Variants in CADM2 observed in about 807,000 individuals in gnomAD.
The protein encoded by CADM2 is immunoglobulin superfamily member 4D.
In CADM2, 12 loss-of-function variants were observed where a neutral mutation model predicts 49.8. The observed-to-expected ratio is 0.24, with a 90% CI of 0.15 to 0.39. The LOEUF is 0.39. CADM2 is among the 10% of genes least tolerant of loss of function. CADM2 has a pLI of 1.00. For synonymous variants in CADM2, 214 were observed against 175.4 expected (o/e 1.22, Z -1.74); for missense variants, 378 against 492.3 (o/e 0.77, Z 2.20).
At chr3:85,622,519 C>G (rs1045353441) in intron 1 of CADM2, among the ~76,000 whole-genome samples, 8 of 152,048 alleles carry the variant, frequency 5.3e-5, no homozygotes, top group Admixed American at 2.6e-4. Flanking sequence ...CTCTTGCCTC[C>G]TTTTCATTCA....
rs186819171 is a variant in CADM2, at chr3:85,061,396, C to A, written c.61+101728C>A. 1.5e-3 allele frequency among the ~76,000 whole-genome samples: 227 copies of A among 152,146 alleles called. 2 individuals carry two copies. In the Middle Eastern group the frequency reaches 0.02, roughly 14 times the overall value. The stretch of plus-strand genomic sequence containing the variant: ...GCTTCATATTAATGATACTAACTGG[C>A]AGTACTAGATATCCTTTCAATGTTT... On this transcript the variant is annotated intron_variant, in intron 1 of 9. Coordinates refer to ENST00000383699, the MANE Select transcript of CADM2 (RefSeq NM_001167675.2).
chr3:85,249,119 G>T (rs1174510565), intron 1 of CADM2, among the ~76,000 whole-genome samples: 1 of 151,978 alleles, frequency 6.6e-6, no homozygotes. Flanking sequence ...ACAAAATAAG[G>T]TGTTGTTACC....
At position 85,569,927 on chromosome 3, in the gene CADM2, A is replaced by G. The variant is rs375586145; in HGVS notation, c.62-156595A>G. 4.6e-5 allele frequency among the ~76,000 whole-genome samples: 7 copies of G among 152,254 alleles called. No homozygotes were observed. In the South Asian group the frequency reaches 1.0e-3, roughly 23 times the overall value. On this transcript the variant is annotated intron_variant, in intron 1 of 9. Transcript: ENST00000383699. ...CGATTGGCAAAGCAGAACTGGCTGA[A>G]TTATGTAAATTCCATGGACATTTCC...
chr3:85,768,602 T>TA (rs1484218515), intron 2 of CADM2, among the ~76,000 whole-genome samples: 1 of 148,818 alleles, frequency 6.7e-6, no homozygotes, highest in Admixed American at 6.8e-5. Context: ...ACATTCATAG[T>TA]AAAAAATCAT....
intron 1 of CADM2, among the ~76,000 whole-genome samples, chr3:85,453,477 ATT>A (rs1201307329): frequency 1.3e-5 from 2 of 152,090 alleles, no homozygotes; most frequent in Non-Finnish European, 2.9e-5. Context: ...ATAAACATGT[ATT>A]TTCCTATAGT....
chr3:85,164,266 G>A (rs2040410466), intron 1 of CADM2, among the ~76,000 whole-genome samples: 1 of 151,982 alleles, frequency 6.6e-6, no homozygotes, highest in African/African-American at 2.4e-5. Context: ...ACAGATACTG[G>A]CAAGTATAAT....
intron 1 of CADM2, among the ~76,000 whole-genome samples, chr3:85,372,363 GTA>G (rs540478908): frequency 2.0e-5 from 3 of 150,204 alleles, no homozygotes; most frequent in Admixed American, 6.7e-5. Flanking sequence ...GTGTGTGTGT[GTA>G]TATATATATG....
intron 8 of CADM2, among the ~76,000 whole-genome samples, chr3:85,991,130 T>C (rs1577883033): frequency 6.6e-6 from 1 of 152,290 alleles, no homozygotes; most frequent in Admixed American, 6.5e-5. Flanking sequence ...GAAAAATCTG[T>C]ACAAACACAG....
chr3:85,697,402 G>C (rs1222476554), intron 1 of CADM2, among the ~76,000 whole-genome samples: 1 of 151,870 alleles, frequency 6.6e-6, no homozygotes, highest in Non-Finnish European at 1.5e-5. Flanking sequence ...TGTTGAAGTA[G>C]ATATACAATA....
At chr3:85,946,819 G>A (rs1009304075) in intron 7 of CADM2, among the ~76,000 whole-genome samples, 4 of 152,018 alleles carry the variant, frequency 2.6e-5, no homozygotes, top group Admixed American at 2.0e-4. Context: ...AGACTTAAAC[G>A]TTAGACCTAA....
chr3:85,561,230 AAC>A (rs1249249739), intron 1 of CADM2, among the ~76,000 whole-genome samples: 1 of 104,802 alleles, frequency 9.5e-6, no homozygotes, highest in Admixed American at 1.1e-4. Flanking sequence ...GTGACTATTT[AAC>A]AGTTTATTTA....
chr3:85,813,091 T>C (rs1347107064), intron 3 of CADM2, among the ~76,000 whole-genome samples: 2 of 152,166 alleles, frequency 1.3e-5, no homozygotes, highest in South Asian at 4.1e-4. Context: ...GGTCCAATGG[T>C]ATTTCTAGTT....
At chr3:85,172,852 A>C (rs1476438522) in intron 1 of CADM2, among the ~76,000 whole-genome samples, 7 of 147,204 alleles carry the variant, frequency 4.8e-5, no homozygotes, top group African/African-American at 1.7e-4. Context: ...TTATATATAA[A>C]AATATATGTG....
chr3:85,280,684 G>C (rs1253522987), intron 1 of CADM2, among the ~76,000 whole-genome samples: 1 of 151,740 alleles, frequency 6.6e-6, no homozygotes, highest in Non-Finnish European at 1.5e-5. Flanking sequence ...GATAGTTTTA[G>C]AAGAGTTTAC....
chr3:85,460,149 A>G (rs1470788012), intron 1 of CADM2, among the ~76,000 whole-genome samples: 1 of 152,082 alleles, frequency 6.6e-6, no homozygotes, highest in East Asian at 1.9e-4. Context: ...TAGTGTTTGT[A>G]TGTTTTTAAT....
chr3:86,026,068 G>A (rs1433131135), intron 8 of CADM2, among the ~76,000 whole-genome samples: 1 of 152,092 alleles, frequency 6.6e-6, no homozygotes, highest in Non-Finnish European at 1.5e-5. Context: ...TTAATTTAAT[G>A]TTTATTGTGT....
chr3:85,273,403 A>C (rs1303726594), intron 1 of CADM2, among the ~76,000 whole-genome samples: 1 of 151,306 alleles, frequency 6.6e-6, no homozygotes, highest in East Asian at 1.9e-4. Flanking sequence ...TTTAAAAAAG[A>C]CTTAGAGGAA....
intron 1 of CADM2, among the ~76,000 whole-genome samples, chr3:85,266,488 C>T (rs1158758412): frequency 6.6e-6 from 1 of 151,538 alleles, no homozygotes; most frequent in East Asian, 1.9e-4. Context: ...TCATAGTGTA[C>T]CAATACTGAT....
chr3:84,977,986 A>G (rs1369561792), intron 1 of CADM2, among the ~76,000 whole-genome samples: 2 of 152,142 alleles, frequency 1.3e-5, no homozygotes, highest in African/African-American at 4.8e-5. Flanking sequence ...GAAGGAGAAT[A>G]AAGGCATTTG....
Sources: allele counts gnomAD v4.1 joint callset (sites outside exome capture counted in the v4.1 genomes callset), GRCh38; gene constraint gnomAD v4.1.1; transcripts MANE v1.5; gene names NCBI Gene and HGNC (gene_info 2026-07-23, HGNC 2026-07-21).